The following PARD6G variants were observed in gnomAD, a reference collection of about 807,000 sequenced individuals.
PARD6G encodes par-6 family cell polarity regulator gamma, also known as partitioning defective 6 homolog gamma.
Under a neutral mutation model 10.7 loss-of-function variants are expected in PARD6G, and 7 were observed. That is an observed-to-expected ratio of 0.66 (90% CI 0.37 to 1.23). PARD6G has a LOEUF of 1.23. Among genes scored for constraint, PARD6G ranks in the 50% most tolerant of loss-of-function variants. The probability of loss-of-function intolerance (pLI) is 0.02; values close to 1 mark genes in which losing one functional copy is unlikely to be tolerated. For synonymous variants in PARD6G, 287 were observed against 269.4 expected, an observed-to-expected ratio of 1.07 and a Z score of -0.64; for missense variants, 548 against 571.8, an observed-to-expected ratio of 0.96 and a Z score of 0.42.
rs1246463211 is a variant in PARD6G at position 80,161,549 on chromosome 18, T to C, written c.296-943A>G. ...GGTGGCATTTGGAAACTCTGAATAATGCATTTTCCTCATGTCAGAAAAAAA... is the reference window on the plus strand; with the variant it reads ...GGTGGCATTTGGAAACTCTGAATAACGCATTTTCCTCATGTCAGAAAAAAA... On this transcript the variant is annotated intron_variant, in intron 2 of 2. Coordinates refer to ENST00000353265, the MANE Select transcript of PARD6G (RefSeq NM_032510.4). The surrounding 1 kb of genome is among the most constrained non-coding windows in gnomAD (Gnocchi z 4.6). 6.6e-6 allele frequency among the ~76,000 whole-genome samples: 1 copy of C among 152,144 alleles called. No individual in the cohort carries two copies. The highest frequency in any genetic ancestry group is 6.5e-5 in the Admixed American group (1 of 15,278).
At chr18:80,205,935 T>C (rs1190137892) in intron 1 of PARD6G, among the ~76,000 whole-genome samples, 5 of 152,248 alleles carry the variant, frequency 3.3e-5, no homozygotes, top group East Asian at 1.9e-4. Flanking sequence ...GAATTTTATA[T>C]AATTCTCACT....
chr18:80,210,783 C>CAA (rs1446938153), intron 1 of PARD6G, among the ~76,000 whole-genome samples: 1 of 152,148 alleles, frequency 6.6e-6, no homozygotes, highest in Non-Finnish European at 1.5e-5. Flanking sequence ...TTGCCAGATA[C>CAA]AAAGCATTTA....
intron 1 of PARD6G, among the ~76,000 whole-genome samples, chr18:80,236,721 C>T (rs1248203150): frequency 6.6e-6 from 1 of 152,090 alleles, no homozygotes; most frequent in Admixed American, 6.6e-5. Context: ...AACAGAGAAC[C>T]AAATCATAAG....
chr18:80,172,934 C>G (rs11873004), intron 2 of PARD6G, among the ~76,000 whole-genome samples: 25,273 of 152,120 alleles, frequency 0.17, 2,772 homozygotes, highest in East Asian at 0.44. Flanking sequence ...CTGTGCCATT[C>G]TAAGTAAAGT....
intron 1 of PARD6G, among the ~76,000 whole-genome samples, chr18:80,237,687 G>C (rs556718510): frequency 6.7e-4 from 102 of 152,228 alleles, no homozygotes; most frequent in African/African-American, 2.3e-3. Flanking sequence ...GTGGGTGAAG[G>C]ATATGAACAG....
chr18:80,179,223 ATTT>A (rs34650022), intron 2 of PARD6G, among the ~76,000 whole-genome samples: 58 of 139,266 alleles, frequency 4.2e-4, no homozygotes, highest in African/African-American at 6.8e-4. Context: ...GGCTGCAGTC[ATTT>A]TTTTTTTTTT....
chr18:80,230,901 AC>A (rs1967351083), intron 1 of PARD6G, among the ~76,000 whole-genome samples: 1 of 152,302 alleles, frequency 6.6e-6, no homozygotes, highest in South Asian at 2.1e-4. Context: ...TTCCCACTTT[AC>A]AAACCAGGAG....
intron 1 of PARD6G, among the ~76,000 whole-genome samples, chr18:80,227,392 C>T: frequency 6.6e-6 from 1 of 152,218 alleles, no homozygotes; most frequent in East Asian, 1.9e-4. Flanking sequence ...ATGAGTCCCA[C>T]CAGTCCGGCC....
At chr18:80,214,169 T>C (rs1248047121) in intron 1 of PARD6G, among the ~76,000 whole-genome samples, 1 of 151,436 alleles carries the variant, frequency 6.6e-6, no homozygotes, top group African/African-American at 2.4e-5. Flanking sequence ...TGTATAAGAA[T>C]GATACCGGAC....
intron 1 of PARD6G, among the ~76,000 whole-genome samples, chr18:80,237,704 T>C (rs191743356): frequency 0.025 from 3,874 of 152,192 alleles, 158 homozygotes; most frequent in African/African-American, 0.089. Context: ...ACAGACACTT[T>C]TCAAAAGAAG....
intron 1 of PARD6G, among the ~76,000 whole-genome samples, chr18:80,235,836 C>T (rs1331310968): frequency 6.6e-6 from 1 of 152,082 alleles, no homozygotes; most frequent in African/African-American, 2.4e-5. Flanking sequence ...CAATAACAGG[C>T]TGTGAAATTG....
intron 1 of PARD6G, among the ~76,000 whole-genome samples, chr18:80,221,601 C>G (rs1011790788): frequency 1.3e-5 from 2 of 152,142 alleles, no homozygotes; most frequent in African/African-American, 4.8e-5. Flanking sequence ...TAACATCATA[C>G]TTAATGGTTA....
chr18:80,231,456 G>C lies in PARD6G; in HGVS notation c.72+15821C>G, dbSNP rs1967356631. Reference sequence around the variant, plus strand: ...TGTGCTGCCCACTGGGAGCGGCTGAGGGGATGCAGGCTGGGTCACTGGAGT... The same window carrying C: ...TGTGCTGCCCACTGGGAGCGGCTGACGGGATGCAGGCTGGGTCACTGGAGT... On this transcript the variant is annotated intron_variant, in intron 1 of 2. Transcript: ENST00000353265. This position sits in a 1 kb window ranked among gnomAD's most constrained non-coding sequence, Gnocchi z 4.2. 2.0e-5 allele frequency among the ~76,000 whole-genome samples: 3 copies of C among 152,220 alleles called. No individual in the cohort carries two copies. The highest frequency in any genetic ancestry group is 4.8e-5 in the African/African-American group (2 of 41,454).
intron 1 of PARD6G, among the ~76,000 whole-genome samples, chr18:80,224,246 A>T (rs775293114): frequency 3.3e-5 from 5 of 152,246 alleles, no homozygotes; most frequent in Non-Finnish European, 5.9e-5. Context: ...TCCAGGTTAA[A>T]AGATATTACA....
At chr18:80,238,790 G>A (rs1967456986) in intron 1 of PARD6G, among the ~76,000 whole-genome samples, 2 of 148,904 alleles carry the variant, frequency 1.3e-5, no homozygotes, top group African/African-American at 4.9e-5. Flanking sequence ...CCTGAGGCAG[G>A]AAGGCAAGGC....
At chr18:80,215,907 A>G (rs559597999) in intron 1 of PARD6G, among the ~76,000 whole-genome samples, 3 of 152,260 alleles carry the variant, frequency 2.0e-5, no homozygotes, top group African/African-American at 7.2e-5. Flanking sequence ...TCAGGGAAAC[A>G]AATAGGTTGA....
At chr18:80,241,747 A>T (rs1250721685) in intron 1 of PARD6G, among the ~76,000 whole-genome samples, 2 of 152,120 alleles carry the variant, frequency 1.3e-5, no homozygotes, top group Non-Finnish European at 2.9e-5. Context: ...TGCAGTAGAA[A>T]TTTGCCCAGA....
chr18:80,177,041 A>ACC (rs1031840819), intron 2 of PARD6G, among the ~76,000 whole-genome samples: 1 of 146,256 alleles, frequency 6.8e-6, no homozygotes, highest in African/African-American at 2.6e-5. Context: ...ACACACACAC[A>ACC]CACACACCAC....
intron 2 of PARD6G, among the ~76,000 whole-genome samples, chr18:80,186,180 A>C (rs1443083792): frequency 7.6e-6 from 1 of 131,646 alleles, no homozygotes; most frequent in Non-Finnish European, 1.6e-5. Flanking sequence ...GCATGCACCC[A>C]CACATGCACC....
Sources: gnomAD v4.1 joint callset for allele counts (sites outside exome capture counted in the v4.1 genomes callset) on GRCh38, gnomAD v4.1.1 for gene constraint, Gnocchi (gnomAD v3.1) non-coding constraint, MANE v1.5 for transcripts, NCBI Gene and HGNC (gene_info 2026-07-23, HGNC 2026-07-21) for gene names.